NCOA4: variants seen among roughly 807,000 people sequenced by gnomAD.
The protein encoded by NCOA4 is 70 kDa AR-activator.
In NCOA4, 31 loss-of-function variants were observed where a neutral mutation model predicts 69.5. The observed-to-expected ratio is 0.45, with a 90% CI of 0.34 to 0.60. The LOEUF is 0.60. Ranked by LOEUF, NCOA4 falls within the 20% of genes least tolerant of loss-of-function variation. NCOA4 has a pLI of 0.02. For missense variants in NCOA4, 600 were observed against 719.2 expected, an observed-to-expected ratio of 0.83 and a Z score of 1.90; for synonymous variants, 228 against 252.4, an observed-to-expected ratio of 0.90 and a Z score of 0.92.
chr10:46,029,782 T>G (rs902733613), intron 1 of NCOA4, among the ~76,000 whole-genome samples: 3 of 152,238 alleles, frequency 2.0e-5, no homozygotes, highest in African/African-American at 7.2e-5. Flanking sequence ...TTATGATTAT[T>G]GTTTTCCCCA....
chr10:46,007,981 AAAGCTTGGATG>A (rs1370325555), intron 9 of NCOA4, among the ~76,000 whole-genome samples: 1 of 152,182 alleles, frequency 6.6e-6, no homozygotes, highest in Non-Finnish European at 1.5e-5. Flanking sequence ...ATGGAACAAC[AAAGCTTGGATG>A]ACAGCGCACC....
chr10:46,009,147 C>T (rs1839037356), intron 9 of NCOA4: 1 of 1,550,006 alleles, frequency 6.5e-7, no homozygotes, highest in African/African-American at 1.4e-5. Flanking sequence ...ATATAAACTA[C>T]TAGAATCCAC....
intron 7 of NCOA4, among the ~76,000 whole-genome samples, chr10:46,011,466 G>T (rs576359661): frequency 3.3e-5 from 5 of 150,584 alleles, no homozygotes; most frequent in Non-Finnish European, 5.9e-5. Flanking sequence ...TAGTAGAGAC[G>T]GGGTTTCACC....
intron 9 of NCOA4, among the ~76,000 whole-genome samples, chr10:46,007,558 AG>A (rs1230658682): frequency 7.1e-6 from 1 of 140,032 alleles, no homozygotes; most frequent in Non-Finnish European, 1.5e-5. Context: ...CTCTCTTGTT[AG>A]GGACTAACAC....
At chr10:46,015,965 T>C (rs923871601) in intron 2 of NCOA4, among the ~76,000 whole-genome samples, 3 of 152,212 alleles carry the variant, frequency 2.0e-5, no homozygotes, top group Non-Finnish European at 2.9e-5. Flanking sequence ...TCCGTGACAA[T>C]ATACATAAGA....
Position 46,018,429 on chromosome 10 carries a change from C to T in NCOA4, c.-14-1735G>A, listed in dbSNP as rs112072794. 5.4e-3 allele frequency among the ~76,000 whole-genome samples: 829 copies of T among 152,304 alleles called. 6 individuals carry two copies. Among genetic ancestry groups the T allele is most frequent in the Non-Finnish European group, 7.3e-3 (495 of 68,024 alleles). On this transcript the variant is annotated intron_variant, in intron 1 of 9. Coordinates refer to ENST00000581486, the MANE Select transcript of NCOA4 (RefSeq NM_001145263.2). ...TCTGTGGGAAAAAATAACTTACACA[C>T]TATTTGACTACATTTACCAAAAGTA...
In NCOA4 at chr10:46,010,515, T is replaced by A. The variant is rs1839143881; in HGVS notation, c.1406A>T (p.Glu469Val). Residue 469 changes from glutamate to valine, a missense_variant, in exon 8 of 10, where the codon GAA (glutamate) becomes GTA (valine). Physicochemically the swap from Glu to Val is moderately radical, Grantham distance 121. Coordinates refer to ENST00000581486, the MANE Select transcript of NCOA4 (RefSeq NM_001145263.2). ...MWLCPRKEVI[E>V]QTKAPKAMTP... ...CATTGCCTTTGGTGCTTTAGTTTGT[T>A]CTATTACTTCTTTTCTAGGACAGAG... The A allele has an allele frequency of 1.2e-6, 2 of 1,614,058 alleles. No individual in the cohort carries two copies. The highest frequency in any genetic ancestry group is 2.7e-5 in the African/African-American group (2 of 74,924).
In NCOA4 at chr10:46,010,654, C is replaced by G. The variant is rs1189222805; in HGVS notation, c.1267G>C (p.Glu423Gln). 2.5e-6 allele frequency: 4 copies of G among 1,614,076 alleles called. No individual in the cohort carries two copies. The highest frequency in any genetic ancestry group is 3.4e-6 in the Non-Finnish European group (4 of 1,180,038). ...FAECVCDENC[E>Q]KEALYKWLLK... is the part of the protein sequence containing the mutation. The stretch of plus-strand genomic sequence containing the variant: ...AGCCACTTATACAGAGCCTCCTTCT[C>G]ACAATTCTCATCACACACACACTCT... The change falls in exon 8 of 10, where the codon GAG (glutamate) becomes CAG (glutamine). Residue 423 changes from glutamate to glutamine, a missense_variant. Coordinates refer to ENST00000581486, the MANE Select transcript of NCOA4 (RefSeq NM_001145263.2).
At chr10:46,022,416 T>C (rs1554924578) in intron 1 of NCOA4, 1 of 453,548 alleles carries the variant, frequency 2.2e-6, no homozygotes, top group South Asian at 1.7e-5. Context: ...CTTGAGACTT[T>C]TTTCACTTCA....
intron 1 of NCOA4, chr10:46,027,339 G>T: frequency 5.5e-6 from 6 of 1,093,380 alleles, no homozygotes; most frequent in South Asian, 2.9e-5. Context: ...GTTAAGCATT[G>T]CAATGTTATG....
chr10:46,022,687 G>C (rs1461472621), intron 1 of NCOA4, among the ~76,000 whole-genome samples: 2 of 151,964 alleles, frequency 1.3e-5, no homozygotes, highest in East Asian at 1.9e-4. Context: ...GGATGGTCTC[G>C]ATCTCCTGAC....
At chr10:46,020,783 T>C (rs1299184889) in intron 1 of NCOA4, among the ~76,000 whole-genome samples, 4 of 152,206 alleles carry the variant, frequency 2.6e-5, no homozygotes, top group African/African-American at 9.6e-5. Flanking sequence ...TTGGACCAAA[T>C]CAGCTCTGAT....
At chr10:46,020,426 T>G (rs1181649646) in intron 1 of NCOA4, among the ~76,000 whole-genome samples, 2 of 152,216 alleles carry the variant, frequency 1.3e-5, no homozygotes, top group Non-Finnish European at 2.9e-5. Context: ...GCCTAGCACC[T>G]GCACACCGTA....
At chr10:46,020,467 C>G (rs1554924143) in intron 1 of NCOA4, among the ~76,000 whole-genome samples, 1 of 152,180 alleles carries the variant, frequency 6.6e-6, no homozygotes, top group African/African-American at 2.4e-5. Flanking sequence ...TTATTGTTAT[C>G]AGGTTTAGCT....
rs782474229 is a variant in NCOA4 at position 46,010,931 on chromosome 10, G to C, written c.990C>G (p.Leu330=). Reference sequence around the variant, plus strand: ...CATTCACATTATAGGACTGGAATAAGAGCTTAAACTTCTCACTGGTTTCAC... The same window carrying C: ...CATTCACATTATAGGACTGGAATAACAGCTTAAACTTCTCACTGGTTTCAC... ...GSRETSEKFK[L]LFQSYNVNDW... is the part of the protein sequence containing the mutation. Residue 330 remains leucine, a synonymous_variant, in exon 8 of 10, where the codon CTC becomes CTG. Coordinates refer to ENST00000581486, the MANE Select transcript of NCOA4 (RefSeq NM_001145263.2). 2.5e-6 allele frequency: 4 copies of C among 1,613,964 alleles called. No homozygotes were observed. The highest frequency in any genetic ancestry group is 1.1e-5 in the South Asian group (1 of 91,074).
chr10:46,030,008 G>A (rs1840370471), intron 1 of NCOA4, among the ~76,000 whole-genome samples: 2 of 152,174 alleles, frequency 1.3e-5, no homozygotes, highest in Non-Finnish European at 2.9e-5. Flanking sequence ...GGCACACAGA[G>A]GGCCAAAAAA....
chr10:46,012,665 G>C (rs988145785), intron 7 of NCOA4, among the ~76,000 whole-genome samples: 8 of 151,910 alleles, frequency 5.3e-5, no homozygotes, highest in Non-Finnish European at 1.0e-4. Flanking sequence ...TTGAGATTAT[G>C]GGTTTGTGGG....
chr10:46,010,336 T>C lies in NCOA4; in HGVS notation c.1585A>G (p.Thr529Ala), dbSNP rs1554920882. 2 of 1,614,140 alleles carry C rather than the reference T, an allele frequency of 1.2e-6. No individual in the cohort carries two copies. Among genetic ancestry groups the C allele is most frequent in the South Asian group, 2.2e-5 (2 of 91,086 alleles). The change falls in exon 8 of 10, where the codon ACT (threonine) becomes GCT (alanine). Residue 529 changes from threonine to alanine, a missense_variant. Physicochemically the swap from Thr to Ala is moderately conservative, Grantham distance 58 (BLOSUM62 0). Transcript: ENST00000581486. Reference sequence around the variant, plus strand: ...GCTGTGTTAAAGGAACACCAGGAAGTATTCATGGGGCTTTTAAACTTCTGT... The same window carrying C: ...GCTGTGTTAAAGGAACACCAGGAAGCATTCATGGGGCTTTTAAACTTCTGT... ...GKQKFKSPMNTSWCSFNTADW... is the reference protein window; with the variant it reads ...GKQKFKSPMNASWCSFNTADW...
At chr10:46,026,697 G>A (rs1259509578) in intron 1 of NCOA4, among the ~76,000 whole-genome samples, 1 of 152,052 alleles carries the variant, frequency 6.6e-6, no homozygotes, top group Non-Finnish European at 1.5e-5. Flanking sequence ...AAACACACCT[G>A]AGATTATCTT....
Sources: allele counts gnomAD v4.1 joint callset (sites outside exome capture counted in the v4.1 genomes callset), GRCh38; gene constraint gnomAD v4.1.1; transcripts MANE v1.5; gene names NCBI Gene and HGNC (gene_info 2026-07-23, HGNC 2026-07-21).